JAK1: variants seen among roughly 807,000 people sequenced by gnomAD.
JAK1 encodes the protein Janus kinase 1, also known as tyrosine-protein kinase JAK1.
A neutral mutation model predicts 136.6 loss-of-function variants in JAK1; 16 were observed. The ratio of observed to expected loss-of-function variants is 0.12; its 90% CI spans 0.08 to 0.18. The LOEUF (loss-of-function observed/expected upper bound fraction) is 0.18, where lower values mean the gene tolerates loss of function less well. Among genes scored for constraint, JAK1 ranks in the 10% least tolerant of loss-of-function variants. The pLI is 1.00. For missense variants in JAK1, 859 were observed against 1,450.1 expected, an observed-to-expected ratio of 0.59 and a Z score of 6.62; for synonymous variants, 492 against 519.5, an observed-to-expected ratio of 0.95 and a Z score of 0.72.
At chr1:64,873,260 G>A (rs1657183559) in intron 5 of JAK1, 110 bp downstream of exon 5, 2 of 1,276,736 alleles carry the variant, frequency 1.6e-6, no homozygotes, top group South Asian at 2.6e-5. Flanking sequence ...CCCAGAACAG[G>A]CCTTAAAGCA....
At chr1:65,057,884 A>C (rs949747210) in intron 1 of JAK1, 1 of 153,824 alleles carries the variant, frequency 6.5e-6, no homozygotes, top group Non-Finnish European at 1.5e-5. Flanking sequence ...CCAGATCCTA[A>C]ATATCCTGAA....
intron 1 of JAK1, among the ~76,000 whole-genome samples, chr1:64,955,922 GGCCTGTGA>G (rs1304434677): frequency 2.1e-4 from 32 of 152,212 alleles, no homozygotes; most frequent in Admixed American, 7.8e-4. Flanking sequence ...AGCAGATCCT[GGCCTGTGA>G]GCCAAATCTG....
intron 2 of JAK1, among the ~76,000 whole-genome samples, chr1:65,036,870 TA>T (rs1647079372): frequency 6.6e-6 from 1 of 152,178 alleles, no homozygotes; most frequent in Non-Finnish European, 1.5e-5. Flanking sequence ...ACAGTAGTCT[TA>T]AAAAATAAAT....
chr1:65,004,202 A>C (rs188517394), intron 2 of JAK1: 1 of 152,266 alleles, frequency 6.6e-6, no homozygotes, highest in Non-Finnish European at 1.5e-5. Flanking sequence ...CAGCCTCCCA[A>C]AGTGCTGGGA....
chr1:64,944,164 G>C (rs971183236), intron 1 of JAK1, among the ~76,000 whole-genome samples: 4 of 145,698 alleles, frequency 2.7e-5, no homozygotes, highest in African/African-American at 7.6e-5. Flanking sequence ...GGAGCTTGCA[G>C]TGAGCCGAGA....
intron 1 of JAK1, among the ~76,000 whole-genome samples, chr1:64,910,736 T>C (rs1385266845): frequency 6.7e-6 from 1 of 149,940 alleles, no homozygotes; most frequent in Non-Finnish European, 1.5e-5. Flanking sequence ...GAGATTACAG[T>C]AGGAGACTGA....
intron 5 of JAK1, 136 bp downstream of exon 5, chr1:64,873,234 G>C: frequency 1.1e-6 from 1 of 927,660 alleles, no homozygotes; most frequent in South Asian, 1.7e-5. Flanking sequence ...GCAAGTCCAG[G>C]TGTGGCAAGA....
chr1:64,853,991 T>C (rs1030728065), intron 11 of JAK1, among the ~76,000 whole-genome samples: 20 of 152,196 alleles, frequency 1.3e-4, no homozygotes, highest in African/African-American at 4.1e-4. Context: ...GCTTTAAGGT[T>C]TGAACTTACT....
intron 1 of JAK1, among the ~76,000 whole-genome samples, chr1:64,925,742 A>T (rs1645572798): frequency 6.6e-6 from 1 of 152,226 alleles, no homozygotes; most frequent in Non-Finnish European, 1.5e-5. Flanking sequence ...TGACCTTTAT[A>T]TAACAATGAG....
intron 1 of JAK1, among the ~76,000 whole-genome samples, chr1:65,055,435 T>C (rs967845151): frequency 1.3e-5 from 2 of 152,240 alleles, no homozygotes. Flanking sequence ...CTTTTAGTTA[T>C]TGTGAATCAT....
chr1:64,853,316 G>C (rs533293297), intron 11 of JAK1, among the ~76,000 whole-genome samples: 1 of 152,182 alleles, frequency 6.6e-6, no homozygotes, highest in African/African-American at 2.4e-5. Flanking sequence ...GTCCTAGGCT[G>C]ATGGCTGCAC....
intron 1 of JAK1, 119 bp downstream of exon 1, chr1:64,966,214 C>G (rs1646375080): frequency 6.6e-6 from 1 of 151,828 alleles, no homozygotes; most frequent in Non-Finnish European, 1.5e-5. Flanking sequence ...CAGCCCGGGC[C>G]GCGCAGCCTA....
At chr1:64,923,388 C>T (rs572214043) in intron 1 of JAK1, among the ~76,000 whole-genome samples, 1 of 152,168 alleles carries the variant, frequency 6.6e-6, no homozygotes, top group Admixed American at 6.5e-5. Context: ...TTACACAATG[C>T]CATTTAATTA....
At chr1:64,926,106 C>T (rs1645577567) in intron 1 of JAK1, among the ~76,000 whole-genome samples, 1 of 152,106 alleles carries the variant, frequency 6.6e-6, no homozygotes, top group African/African-American at 2.4e-5. Context: ...AGCTGTGGAC[C>T]CCAGGACCAC....
At chr1:64,857,532 CAGAG>C in intron 10 of JAK1, 120 bp downstream of exon 10, 1 of 1,347,248 alleles carries the variant, frequency 7.4e-7, no homozygotes, top group Non-Finnish European at 1.0e-6. Context: ...GGGATCTTCT[CAGAG>C]ACCCAGGCTT....
At chr1:65,000,116 G>T (rs1210624728) in intron 2 of JAK1, among the ~76,000 whole-genome samples, 2 of 151,324 alleles carry the variant, frequency 1.3e-5, no homozygotes, top group South Asian at 4.2e-4. Context: ...TCAGCCTCCC[G>T]AGTAGCTGGG....
intron 2 of JAK1, among the ~76,000 whole-genome samples, chr1:65,016,508 A>G (rs1456088017): frequency 1.3e-5 from 2 of 152,110 alleles, no homozygotes; most frequent in African/African-American, 4.8e-5. Context: ...TGTAGTCCCA[A>G]CTACTCCGGA....
chr1:65,016,923 CTT>C (rs1426800485), intron 2 of JAK1, among the ~76,000 whole-genome samples: 2 of 151,910 alleles, frequency 1.3e-5, no homozygotes, highest in African/African-American at 4.8e-5. Context: ...TAAATAAAAA[CTT>C]AAAATGGCAA....
intron 2 of JAK1, among the ~76,000 whole-genome samples, chr1:65,017,205 C>G (rs1009415319): frequency 1.3e-5 from 2 of 152,116 alleles, no homozygotes; most frequent in Non-Finnish European, 2.9e-5. Flanking sequence ...GTGGCTCATA[C>G]CTGTAATCCC....
Sources: allele counts gnomAD v4.1 joint callset (sites outside exome capture counted in the v4.1 genomes callset), GRCh38; gene constraint gnomAD v4.1.1; transcripts MANE v1.5; gene names NCBI Gene and HGNC (gene_info 2026-07-23, HGNC 2026-07-21).